RBL1: variants seen among roughly 807,000 people sequenced by gnomAD.
The protein encoded by RBL1 is retinoblastoma-like protein 1.
Under a neutral mutation model 123.0 loss-of-function variants are expected in RBL1, and 82 were observed. The ratio of observed to expected loss-of-function variants is 0.67; its 90% CI spans 0.56 to 0.80. The LOEUF is 0.80. Among genes scored for constraint, RBL1 ranks in the 30% least tolerant of loss-of-function variants. The pLI is 0.00. For synonymous variants in RBL1, 405 were observed against 441.3 expected, an observed-to-expected ratio of 0.92 and a Z score of 1.03; for missense variants, 1,171 against 1,299.6, an observed-to-expected ratio of 0.90 and a Z score of 1.52.
chr20:37,045,109 TTTATTTA>T (rs942087984), intron 12 of RBL1, among the ~76,000 whole-genome samples: 7 of 151,170 alleles, frequency 4.6e-5, no homozygotes, highest in Non-Finnish European at 8.8e-5. Context: ...TATTTATTTA[TTTATTTA>T]TTTATTTTGA....
At chr20:37,016,352 C>A (rs1453383440) in intron 19 of RBL1, among the ~76,000 whole-genome samples, 5 of 151,858 alleles carry the variant, frequency 3.3e-5, no homozygotes, top group African/African-American at 1.2e-4. Flanking sequence ...ATATACTCCT[C>A]GTTGCCTTGA....
intron 19 of RBL1, among the ~76,000 whole-genome samples, chr20:37,012,822 G>A (rs1229294540): frequency 4.0e-5 from 6 of 150,662 alleles, no homozygotes; most frequent in South Asian, 2.1e-4. Flanking sequence ...CAGCCACCCC[G>A]TCAGGGAGGT....
chr20:37,029,665 T>C (rs895870808), intron 16 of RBL1, among the ~76,000 whole-genome samples: 8 of 152,180 alleles, frequency 5.3e-5, no homozygotes, highest in African/African-American at 1.9e-4. Flanking sequence ...ACAGATGACA[T>C]AATCTTGTGT....
intron 11 of RBL1, among the ~76,000 whole-genome samples, chr20:37,050,073 AAAAG>A (rs1173648964): frequency 1.3e-5 from 2 of 151,984 alleles, no homozygotes; most frequent in East Asian, 1.9e-4. Flanking sequence ...AAAAAAAAAA[AAAAG>A]AGAGAGAGAG....
intron 16 of RBL1, among the ~76,000 whole-genome samples, chr20:37,030,426 A>T (rs1397375336): frequency 6.6e-6 from 1 of 152,214 alleles, no homozygotes; most frequent in East Asian, 1.9e-4. Flanking sequence ...ACCATATACA[A>T]AAATTAAAAT....
chr20:37,026,397 G>A (rs1382562301), intron 16 of RBL1, among the ~76,000 whole-genome samples: 4 of 152,014 alleles, frequency 2.6e-5, no homozygotes, highest in African/African-American at 9.7e-5. Flanking sequence ...ATTTAGCATA[G>A]AGAAAAAAGG....
chr20:37,023,900 C>T (rs1353636263), intron 16 of RBL1, among the ~76,000 whole-genome samples: 1 of 150,928 alleles, frequency 6.6e-6, no homozygotes, highest in Admixed American at 6.6e-5. Flanking sequence ...GTCTCAGCCT[C>T]CCGAGTAGCT....
At chr20:37,019,023 C>T (rs1212727037) in intron 18 of RBL1, among the ~76,000 whole-genome samples, 1 of 151,932 alleles carries the variant, frequency 6.6e-6, no homozygotes, top group Non-Finnish European at 1.5e-5. Flanking sequence ...TAATTCCTTA[C>T]ACAACAATCA....
chr20:37,049,228 A>C (rs1035598143), intron 11 of RBL1: 10 of 441,102 alleles, frequency 2.3e-5, no homozygotes, highest in Non-Finnish European at 3.7e-5. Context: ...AAAACAAAAA[A>C]AAATTTAAAG....
chr20:37,031,697 C>A (rs2064514810), intron 16 of RBL1, among the ~76,000 whole-genome samples: 1 of 152,128 alleles, frequency 6.6e-6, no homozygotes, highest in South Asian at 2.1e-4. Context: ...TGGGAATATA[C>A]CCAAAGGAAT....
chr20:37,073,306 A>C (rs557767928), intron 2 of RBL1, among the ~76,000 whole-genome samples: 3 of 152,330 alleles, frequency 2.0e-5, no homozygotes, highest in Admixed American at 2.0e-4. Context: ...AAAACCTTAT[A>C]GCACTGTTAT....
At chr20:37,033,618 T>C (rs1186121406) in intron 15 of RBL1, among the ~76,000 whole-genome samples, 1 of 150,710 alleles carries the variant, frequency 6.6e-6, no homozygotes. Flanking sequence ...GCTGGACTTT[T>C]TTTTTTTTTT....
chr20:37,062,090 A>G lies in RBL1; in HGVS notation c.1077T>C (p.Phe359=). ...CCAGGCTAGGTTATATTACTTTTTCAAAGTGCTGTTGAAGGTTATACTCCA... is the reference window on the plus strand; with the variant it reads ...CCAGGCTAGGTTATATTACTTTTTCGAAGTGCTGTTGAAGGTTATACTCCA... ...ANVEYNLQQH[F]EKKRSFAPST... Residue 359 remains phenylalanine (F), a synonymous_variant, in exon 8 of 22, where the codon TTT becomes TTC. Coordinates refer to ENST00000373664, the MANE Select transcript of RBL1 (RefSeq NM_002895.5). 1.2e-6 allele frequency: 2 copies of G among 1,611,312 alleles called. No individual in the cohort carries two copies. The highest frequency in any genetic ancestry group is 4.5e-5 in the East Asian group (2 of 44,766).
At chr20:37,087,559 G>A (rs1600611808) in intron 2 of RBL1, among the ~76,000 whole-genome samples, 2 of 152,104 alleles carry the variant, frequency 1.3e-5, no homozygotes, top group Admixed American at 1.3e-4. Flanking sequence ...TGCACTCGAG[G>A]CCTGGGCAAT....
chr20:37,052,934 G>A (rs1445356807), intron 11 of RBL1, among the ~76,000 whole-genome samples: 1 of 152,156 alleles, frequency 6.6e-6, no homozygotes, highest in Admixed American at 6.5e-5. Flanking sequence ...GAGCCACTGC[G>A]CCTGGCCAGG....
chr20:37,012,914 T>TG (rs1449152052), intron 19 of RBL1, among the ~76,000 whole-genome samples: 1 of 116,826 alleles, frequency 8.6e-6, no homozygotes, highest in African/African-American at 3.4e-5. Flanking sequence ...GGGAGGGAGG[T>TG]GGGGGGTTCA....
intron 2 of RBL1, among the ~76,000 whole-genome samples, chr20:37,083,181 C>T (rs982606088): frequency 6.6e-6 from 1 of 151,802 alleles, no homozygotes; most frequent in Non-Finnish European, 1.5e-5. Flanking sequence ...AAACGTTTTG[C>T]GGAAGGCTGG....
chr20:37,003,830 T>C lies in RBL1; in HGVS notation c.2908A>G (p.Lys970Glu), dbSNP rs745449275. The C allele has an allele frequency of 1.9e-6, 3 of 1,613,860 alleles. No homozygotes were observed. In the Admixed American group the frequency reaches 5.0e-5, roughly 27 times the overall value. ...APPLSPFPHI[K>E]QQPGSPRRIS... ...CGGCGTGGTGAGCCTGGCTGTTGTT[T>C]AATATGTGGAAAAGGAGAGAGTGGT... The change falls in exon 21 of 22, where the codon AAA becomes GAA. Residue 970 changes from lysine to glutamate, a missense_variant. By Grantham distance (56) the Lys-to-Glu change is moderately conservative. Coordinates refer to ENST00000373664, the MANE Select transcript of RBL1 (RefSeq NM_002895.5).
chr20:37,014,303 T>C (rs1714429009), intron 19 of RBL1, among the ~76,000 whole-genome samples: 1 of 151,960 alleles, frequency 6.6e-6, no homozygotes, highest in South Asian at 2.1e-4. Context: ...GGTCTTGAAC[T>C]CCTGGGTTCA....
Sources: allele counts gnomAD v4.1 joint callset (sites outside exome capture counted in the v4.1 genomes callset), GRCh38; gene constraint gnomAD v4.1.1; transcripts MANE v1.5; gene names NCBI Gene and HGNC (gene_info 2026-07-23, HGNC 2026-07-21).